RARS2: variants seen among roughly 807,000 people sequenced by gnomAD.
The protein encoded by RARS2 is arginyl-tRNA synthetase 2, mitochondrial, also known as probable arginine--tRNA ligase, mitochondrial.
In RARS2, 67 loss-of-function variants were observed where a neutral mutation model predicts 88.5. The ratio of observed to expected loss-of-function variants is 0.76; its 90% CI spans 0.62 to 0.93. RARS2 has a LOEUF of 0.93. RARS2 is among the 40% of genes least tolerant of loss of function. The pLI, the probability that RARS2 is intolerant of heterozygous loss-of-function variation, is 0.00. For synonymous variants in RARS2, 239 were observed against 230.3 expected, an observed-to-expected ratio of 1.04 and a Z score of -0.34; for missense variants, 664 against 684.2, an observed-to-expected ratio of 0.97 and a Z score of 0.33.
rs960697925 is a variant in RARS2, at chr6:87,566,505, G to C, written c.111-2273C>G. On this transcript the variant is annotated intron_variant, in intron 2 of 19. Coordinates refer to ENST00000369536, the MANE Select transcript of RARS2 (RefSeq NM_020320.5). ...CATTTAAAAATAAAACCTTTAAAAAGACAAAACATCTAAGCTATGAAAAGC... is the reference window on the plus strand; with the variant it reads ...CATTTAAAAATAAAACCTTTAAAAACACAAAACATCTAAGCTATGAAAAGC... Among the ~76,000 whole-genome samples, 3 of 151,968 alleles carry C rather than the reference G, an allele frequency of 2.0e-5. No individual in the cohort carries two copies. The East Asian group carries it at 5.8e-4, about 29-fold the overall frequency.
chr6:87,588,301 C>T (rs190861832), intron 1 of RARS2, among the ~76,000 whole-genome samples: 2 of 152,300 alleles, frequency 1.3e-5, no homozygotes, highest in Admixed American at 1.3e-4. Flanking sequence ...TTCTAGAAGA[C>T]TTCTGCCCAA....
At chr6:87,584,771 A>G (rs1174913656) in intron 1 of RARS2, 3 of 455,498 alleles carry the variant, frequency 6.6e-6, no homozygotes, top group East Asian at 6.9e-5. Context: ...CAGGAAGCTA[A>G]GAGACAAGAT....
intron 4 of RARS2, among the ~76,000 whole-genome samples, chr6:87,555,891 A>G (rs916942511): frequency 6.6e-6 from 1 of 152,272 alleles, no homozygotes; most frequent in Non-Finnish European, 1.5e-5. Context: ...ACTATGTGCC[A>G]GCCACTGTTC....
At chr6:87,551,626 C>CAACAA (rs1416067720) in intron 5 of RARS2, among the ~76,000 whole-genome samples, 1 of 65,152 alleles carries the variant, frequency 1.5e-5, no homozygotes, top group African/African-American at 6.4e-5. Context: ...TCCGTCTCAA[C>CAACAA]AAAAAAAAAA....
At chr6:87,516,732 T>G in intron 18 of RARS2, 74 bp downstream of exon 18, 1 of 1,586,032 alleles carries the variant, frequency 6.3e-7, no homozygotes, top group Admixed American at 1.7e-5. Context: ...AGGAATTTGT[T>G]TACAGGAAAC....
At chr6:87,555,082 G>C (rs984806588) in intron 5 of RARS2, among the ~76,000 whole-genome samples, 1 of 150,600 alleles carries the variant, frequency 6.6e-6, no homozygotes, top group East Asian at 2.0e-4. Context: ...CTGGGCGACA[G>C]AGTGAGACTC....
intron 5 of RARS2, among the ~76,000 whole-genome samples, chr6:87,549,378 AAAAT>A (rs72312471): frequency 0.063 from 9,499 of 151,000 alleles, 371 homozygotes; most frequent in African/African-American, 0.11. Context: ...AATAAAAAAT[AAAAT>A]AAATAAATAA....
intron 19 of RARS2, among the ~76,000 whole-genome samples, chr6:87,514,704 G>A (rs1157192862): frequency 6.6e-6 from 1 of 152,176 alleles, no homozygotes; most frequent in East Asian, 1.9e-4. Context: ...GAGTGGGAGT[G>A]ATAGTATTAT....
intron 2 of RARS2, among the ~76,000 whole-genome samples, chr6:87,565,753 G>C (rs1767677103): frequency 6.6e-6 from 1 of 152,126 alleles, no homozygotes; most frequent in African/African-American, 2.4e-5. Flanking sequence ...TTTATCTTCT[G>C]GTGTTTAATA....
intron 1 of RARS2, among the ~76,000 whole-genome samples, chr6:87,585,780 C>T (rs1774975590): frequency 6.6e-6 from 1 of 151,356 alleles, no homozygotes; most frequent in African/African-American, 2.4e-5. Flanking sequence ...CTGTTGAGTC[C>T]CAACCACCAG....
chr6:87,571,155 C>A (rs1228120172), intron 1 of RARS2, among the ~76,000 whole-genome samples: 1 of 136,690 alleles, frequency 7.3e-6, no homozygotes, highest in Non-Finnish European at 1.6e-5. Context: ...GTGGGGATAA[C>A]TGAATCATGG....
At chr6:87,546,736 G>A (rs1782725737) in intron 6 of RARS2, among the ~76,000 whole-genome samples, 1 of 152,110 alleles carries the variant, frequency 6.6e-6, no homozygotes, top group African/African-American at 2.4e-5. Flanking sequence ...ATCCTCTTCT[G>A]CCTTTACTAA....
chr6:87,572,678 C>T (rs1582801885), intron 1 of RARS2, among the ~76,000 whole-genome samples: 1 of 152,174 alleles, frequency 6.6e-6, no homozygotes, highest in African/African-American at 2.4e-5. Flanking sequence ...GGTCCTCCCA[C>T]CTCAGCTTCC....
chr6:87,535,546 T>A (rs1223124138), intron 8 of RARS2, among the ~76,000 whole-genome samples: 1 of 152,144 alleles, frequency 6.6e-6, no homozygotes, highest in East Asian at 1.9e-4. Flanking sequence ...TTTTATTAAA[T>A]GCCCATCACT....
At chr6:87,515,375 C>T (rs1031478425) in intron 18 of RARS2, among the ~76,000 whole-genome samples, 8 of 152,188 alleles carry the variant, frequency 5.3e-5, no homozygotes, top group Middle Eastern at 6.8e-3. Flanking sequence ...CAAAAATTAG[C>T]CGGGCGTGGT....
At chr6:87,535,585 G>C (rs1034072673) in intron 8 of RARS2, among the ~76,000 whole-genome samples, 5 of 151,890 alleles carry the variant, frequency 3.3e-5, no homozygotes, top group Non-Finnish European at 7.4e-5. Flanking sequence ...GCTAGAAAGG[G>C]GCAAGGTAGA....
intron 1 of RARS2, among the ~76,000 whole-genome samples, chr6:87,573,542 G>C (rs1770455798): frequency 6.6e-6 from 1 of 152,186 alleles, no homozygotes; most frequent in Admixed American, 6.5e-5. Flanking sequence ...AATGGGTAGA[G>C]AGTTTTAGTT....
In RARS2 at chr6:87,518,868, GTGGGTTCT is replaced by G; in HGVS notation, c.1253_1260del (p.Lys418ThrfsTer24). The G allele has an allele frequency of 6.2e-7, 1 of 1,614,064 alleles. No homozygotes were observed. The highest frequency in any genetic ancestry group is 8.5e-7 in the Non-Finnish European group (1 of 1,179,982). On this transcript the variant is annotated frameshift_variant, in exon 15 of 20. Transcript: ENST00000369536. LOFTEE classifies it high-confidence loss of function. ...AGCCCGACCCTCTCTGCAGTCTCTT[GTGGGTTCT>G]TGAGTTCTTTAGTTGCTGAAACAGA...
At chr6:87,546,066 A>G (rs944553503) in intron 6 of RARS2, among the ~76,000 whole-genome samples, 4 of 151,816 alleles carry the variant, frequency 2.6e-5, no homozygotes, top group African/African-American at 9.7e-5. Context: ...TAAGAACCGA[A>G]GCCTCACTGT....
Sources: allele counts gnomAD v4.1 joint callset (sites outside exome capture counted in the v4.1 genomes callset), GRCh38; gene constraint gnomAD v4.1.1; transcripts MANE v1.5; gene names NCBI Gene and HGNC (gene_info 2026-07-23, HGNC 2026-07-21).